C1orf141: variants seen among roughly 807,000 people sequenced by gnomAD.
C1orf141 encodes the protein uncharacterized protein C1orf141.
Under a neutral mutation model 23.2 loss-of-function variants are expected in C1orf141, and 19 were observed. The observed-to-expected ratio is 0.82, with a 90% CI of 0.57 to 1.20. C1orf141 has a LOEUF of 1.20. Ranked by LOEUF, C1orf141 falls within the 50% of genes most tolerant of loss-of-function variation. The probability of loss-of-function intolerance (pLI) is 0.00; values close to 1 mark genes in which losing one functional copy is unlikely to be tolerated. For missense variants in C1orf141, 469 were observed against 455.1 expected, an observed-to-expected ratio of 1.03 and a Z score of -0.28; for synonymous variants, 153 against 154.6, an observed-to-expected ratio of 0.99 and a Z score of 0.08.
intron 4 of C1orf141, chr1:67,123,320 T>G (rs1646338111): frequency 6.6e-6 from 1 of 152,046 alleles, no homozygotes; most frequent in African/African-American, 2.4e-5. Context: ...CTCCAACAAA[T>G]GCATACTTAA....
At chr1:67,127,638 G>T (rs1646441152) in intron 2 of C1orf141, among the ~76,000 whole-genome samples, 1 of 151,590 alleles carries the variant, frequency 6.6e-6, no homozygotes, top group African/African-American at 2.4e-5. Flanking sequence ...ACTTAATTTT[G>T]TCGTTGTTGT....
At chr1:67,123,428 CT>C (rs1558202501) in intron 4 of C1orf141, 1 of 152,096 alleles carries the variant, frequency 6.6e-6, no homozygotes, top group East Asian at 1.9e-4. Context: ...CTGATCTTGA[CT>C]TTCTTTTCTA....
chr1:67,112,698 C>G (rs1646100734), intron 5 of C1orf141, among the ~76,000 whole-genome samples: 1 of 151,844 alleles, frequency 6.6e-6, no homozygotes, highest in Non-Finnish European at 1.5e-5. Context: ...GAGACCGTGT[C>G]AGAAAAAGAA....
At chr1:67,103,699 A>T (rs1645858653) in intron 5 of C1orf141, among the ~76,000 whole-genome samples, 2 of 152,096 alleles carry the variant, frequency 1.3e-5, no homozygotes, top group African/African-American at 4.8e-5. Flanking sequence ...CTCTAAGTTC[A>T]GGGGAAGTCT....
chr1:67,122,264 T>G (rs1646315123), intron 4 of C1orf141: 1 of 152,238 alleles, frequency 6.6e-6, no homozygotes, highest in African/African-American at 2.4e-5. Context: ...CTTGAACTCC[T>G]GACCTCAGGT....
At position 67,093,380 on chromosome 1, in the gene C1orf141, C is replaced by T; in HGVS notation, c.828G>A (p.Gln276=). Residue 276 remains glutamine, a synonymous_variant, in exon 8 of 8, where the codon CAG becomes CAA. Transcript: ENST00000684719. ...FKPQKTMPTV[Q]RKDIQIPMSF... The stretch of plus-strand genomic sequence containing the variant: ...ACATAGGGATCTGTATATCTTTTCT[C>T]TGTACTGTAGGCATAGTTTTTTGGG... The T allele has an allele frequency of 6.2e-7, 1 of 1,613,680 alleles. No homozygotes were observed. Among genetic ancestry groups the T allele is most frequent in the Non-Finnish European group, 8.5e-7 (1 of 1,179,812 alleles).
At chr1:67,117,905 TA>T (rs1480576082) in intron 4 of C1orf141, among the ~76,000 whole-genome samples, 2 of 152,218 alleles carry the variant, frequency 1.3e-5, no homozygotes, top group Non-Finnish European at 2.9e-5. Flanking sequence ...TTCCATAGAA[TA>T]TTGAATACTC....
At chr1:67,135,630 C>G (rs1646578755), upstream of C1orf141, among the ~76,000 whole-genome samples, 1 of 152,012 alleles carries the variant, frequency 6.6e-6, no homozygotes, top group Non-Finnish European at 1.5e-5. Flanking sequence ...AGAAAATGCA[C>G]TAAGGCCATG....
intron 2 of C1orf141, among the ~76,000 whole-genome samples, chr1:67,130,046 C>T (rs887437763): frequency 6.6e-6 from 1 of 152,096 alleles, no homozygotes; most frequent in Admixed American, 6.5e-5. Flanking sequence ...ATGCTGATGA[C>T]TTTCTGGATT....
Position 67,093,446 on chromosome 1 carries a change from G to C in C1orf141, c.762C>G (p.Leu254=), listed in dbSNP as rs530622371. The part of the protein sequence containing the change: ...NFILERNCEI[L]KSIIGNQSIS... ...TAGATTGATTGCCAATTATAGATTT[G>C]AGGATTTCACAATTTCTTTCTAAAA... is the stretch of plus-strand genomic sequence containing the variant. Residue 254 remains leucine, a synonymous_variant, in exon 8 of 8, where the codon CTC becomes CTG. Coordinates refer to ENST00000684719, the MANE Select transcript of C1orf141 (RefSeq NM_001276351.2). The C allele has an allele frequency of 6.2e-7, 1 of 1,611,242 alleles. No homozygotes were observed. Among genetic ancestry groups the C allele is most frequent in the Non-Finnish European group, 8.5e-7 (1 of 1,177,898 alleles).
intron 5 of C1orf141, among the ~76,000 whole-genome samples, chr1:67,109,999 G>A (rs182236013): frequency 4.6e-5 from 7 of 152,048 alleles, no homozygotes; most frequent in African/African-American, 1.7e-4. Flanking sequence ...ACTTTGTTCG[G>A]TAATGATTAT....
intron 2 of C1orf141, among the ~76,000 whole-genome samples, chr1:67,130,400 T>C (rs967722741): frequency 7.9e-5 from 12 of 152,312 alleles, no homozygotes; most frequent in African/African-American, 2.9e-4. Context: ...ACAATGCTGC[T>C]CATTTGTGAG....
chr1:67,138,465 C>G (rs1646604462), upstream of C1orf141, among the ~76,000 whole-genome samples: 1 of 152,178 alleles, frequency 6.6e-6, no homozygotes, highest in Admixed American at 6.5e-5. Flanking sequence ...TTACACAACT[C>G]TCTCCTACTT....
chr1:67,108,635 G>A (rs1288494175), intron 5 of C1orf141, among the ~76,000 whole-genome samples: 1 of 152,122 alleles, frequency 6.6e-6, no homozygotes, highest in African/African-American at 2.4e-5. Context: ...AGCTGAGGCA[G>A]TAGAATCACT....
At chr1:67,141,401 G>A (rs2102522800) in intron 1 of C1orf141, among the ~76,000 whole-genome samples, 1 of 151,942 alleles carries the variant, frequency 6.6e-6, no homozygotes, top group Non-Finnish European at 1.5e-5. Flanking sequence ...TTGTGAGACT[G>A]GAAAAGTCAA....
At chr1:67,139,028 A>G (rs148008934), upstream of C1orf141, 9 of 152,426 alleles carry the variant, frequency 5.9e-5, no homozygotes, top group African/African-American at 1.7e-4. Context: ...GGGAGCCACT[A>G]TGAAGATCCT....
chr1:67,131,030 T>C (rs1403282602), intron 2 of C1orf141, 112 bp downstream of exon 2: 2 of 152,308 alleles, frequency 1.3e-5, no homozygotes, highest in Admixed American at 6.5e-5. Context: ...CAAAGGAACA[T>C]CAGTACTAAT....
intron 1 of C1orf141, among the ~76,000 whole-genome samples, chr1:67,141,522 C>G (rs1028054086): frequency 6.6e-6 from 1 of 152,102 alleles, no homozygotes; most frequent in African/African-American, 2.4e-5. Flanking sequence ...CTTTGGTAAG[C>G]TGAGGTGGGA....
At chr1:67,114,836 C>A (rs931216472) in intron 5 of C1orf141, among the ~76,000 whole-genome samples, 1 of 152,110 alleles carries the variant, frequency 6.6e-6, no homozygotes, top group African/African-American at 2.4e-5. Context: ...CCACCATGCC[C>A]GGCTAATTTT....
Sources: gnomAD v4.1 joint callset for allele counts (sites outside exome capture counted in the v4.1 genomes callset) on GRCh38, gnomAD v4.1.1 for gene constraint, MANE v1.5 for transcripts, NCBI Gene and HGNC (gene_info 2026-07-23, HGNC 2026-07-21) for gene names.